HECTD4: variants seen among roughly 807,000 people sequenced by gnomAD.
The protein encoded by HECTD4 is probable E3 ubiquitin-protein ligase HECTD4.
HECTD4 carries 114 observed loss-of-function variants against 471.5 expected under a neutral mutation model. The observed-to-expected ratio is 0.24, with a 90% CI of 0.21 to 0.28. The LOEUF is 0.28. Among genes scored for constraint, HECTD4 ranks in the 10% least tolerant of loss-of-function variants. The pLI is 1.00. For synonymous variants in HECTD4, 2,012 were observed against 2,256.0 expected (o/e 0.89, Z 3.07); for missense variants, 3,866 against 5,651.5 (o/e 0.68, Z 10.13).
At chr12:112,270,525 C>G (rs530646044) in intron 11 of HECTD4, 66 bp from the exon 12 acceptor site, 1 of 1,313,794 alleles carries the variant, frequency 7.6e-7, no homozygotes, top group Non-Finnish European at 1.1e-6. Context: ...AAGAATAGAC[C>G]TTTGACTTAC....
At chr12:112,342,213 T>C (rs576855644) in intron 1 of HECTD4, among the ~76,000 whole-genome samples, 6 of 152,128 alleles carry the variant, frequency 3.9e-5, no homozygotes, top group Non-Finnish European at 8.8e-5. Flanking sequence ...CCTAACACCT[T>C]GGGAGGCCAA....
intron 13 of HECTD4, 50 bp downstream of exon 13, chr12:112,269,653 TG>T: frequency 6.3e-7 from 1 of 1,599,066 alleles, no homozygotes; most frequent in South Asian, 1.1e-5. Flanking sequence ...TACAATGCCT[TG>T]CAGAAGAATC....
intron 1 of HECTD4, among the ~76,000 whole-genome samples, chr12:112,364,265 G>A (rs1316538550): frequency 6.6e-6 from 1 of 151,562 alleles, no homozygotes; most frequent in East Asian, 1.9e-4. Flanking sequence ...AAATTAGCTG[G>A]ACATAGTGCC....
chr12:112,348,713 T>C (rs1234875449), intron 1 of HECTD4, among the ~76,000 whole-genome samples: 1 of 152,134 alleles, frequency 6.6e-6, no homozygotes, highest in Non-Finnish European at 1.5e-5. Context: ...CACCGCAGTC[T>C]AGCTAGCTTG....
At chr12:112,347,374 T>C (rs1209360359) in intron 1 of HECTD4, among the ~76,000 whole-genome samples, 1 of 152,086 alleles carries the variant, frequency 6.6e-6, no homozygotes, top group Non-Finnish European at 1.5e-5. Context: ...CCGGGTGTGA[T>C]GGAGCACGCT....
At position 112,176,718 on chromosome 12, in the gene HECTD4, C is replaced by G; in HGVS notation, c.11364-16G>C. 1.9e-6 allele frequency: 3 copies of G among 1,573,666 alleles called. No individual in the cohort carries two copies. The highest frequency in any genetic ancestry group is 1.3e-5 in the African/African-American group (1 of 74,232). On this transcript the variant is annotated splice_polypyrimidine_tract_variant and intron_variant, in intron 64 of 75. Coordinates refer to ENST00000682272, the MANE Select transcript of HECTD4 (RefSeq NM_001388303.1). ...GGCAGTCCTGCTGTAGACCAAAGCA[C>G]TGGAATTAGACTAATGCACGTTCAC...
chr12:112,280,466 G>C (rs745647696), intron 8 of HECTD4, among the ~76,000 whole-genome samples: 87 of 152,158 alleles, frequency 5.7e-4, no homozygotes, highest in Non-Finnish European at 9.9e-4. Flanking sequence ...ATTATCTATA[G>C]CCTGGATAGA....
chr12:112,165,794 G>A (rs2030928869), intron 72 of HECTD4, among the ~76,000 whole-genome samples: 1 of 152,248 alleles, frequency 6.6e-6, no homozygotes, highest in Non-Finnish European at 1.5e-5. Flanking sequence ...ACCAGGATCA[G>A]CGTCCAGGGG....
At chr12:112,168,026 C>A in intron 70 of HECTD4, 109 bp from the exon 71 acceptor site, 1 of 885,274 alleles carries the variant, frequency 1.1e-6, no homozygotes, top group Non-Finnish European at 1.9e-6. Context: ...CACGGCCTAC[C>A]TGCCGCTGTG....
chr12:112,321,020 T>C (rs1390507971), intron 1 of HECTD4, among the ~76,000 whole-genome samples: 3 of 152,134 alleles, frequency 2.0e-5, no homozygotes, highest in Admixed American at 2.0e-4. Context: ...ATTTTTGTAT[T>C]TTTAGTAGAG....
At chr12:112,164,371 G>T in intron 72 of HECTD4, 96 bp from the exon 73 acceptor site, 5 of 1,336,260 alleles carry the variant, frequency 3.7e-6, no homozygotes, top group Non-Finnish European at 5.2e-6. Context: ...GCAGCTGGTG[G>T]GGTCTACCCT....
rs542068445 is a variant in HECTD4, at chr12:112,160,834, A to T, written c.*1553T>A. ...CAGCGGGCTGACCATCTTCTTTCAAAGCAGGGGAACTGCTTGCGGGCACTC... is the reference window on the plus strand; with the variant it reads ...CAGCGGGCTGACCATCTTCTTTCAATGCAGGGGAACTGCTTGCGGGCACTC... On this transcript the variant is annotated 3_prime_UTR_variant, in exon 76 of 76. Transcript: ENST00000682272. 6.6e-6 allele frequency: 1 copy of T among 152,310 alleles called. No homozygotes were observed. Among genetic ancestry groups the T allele is most frequent in the East Asian group, 1.9e-4 (1 of 5,186 alleles). The allele number at this position is 152,310 out of a possible 1,614,324, so 9.4% of individuals were successfully genotyped here.
chr12:112,190,707 C>T, intron 60 of HECTD4, 79 bp downstream of exon 60: 1 of 1,386,256 alleles, frequency 7.2e-7, no homozygotes, highest in Non-Finnish European at 9.8e-7. Context: ...CCCTACACCA[C>T]CTGGCAAGCT....
chr12:112,222,780 G>A (rs2033135442), intron 44 of HECTD4, among the ~76,000 whole-genome samples: 1 of 152,222 alleles, frequency 6.6e-6, no homozygotes, highest in Non-Finnish European at 1.5e-5. Context: ...GCTGCAGTGA[G>A]CCTTGATCGC....
At chr12:112,327,933 G>A (rs2035778642) in intron 1 of HECTD4, among the ~76,000 whole-genome samples, 1 of 152,110 alleles carries the variant, frequency 6.6e-6, no homozygotes, top group Non-Finnish European at 1.5e-5. Context: ...AAAAGGAAAT[G>A]ATGTTTAAAA....
rs2031596869 is a variant in HECTD4, at chr12:112,179,752, T to G, written c.10988-355A>C. 6.6e-6 allele frequency among the ~76,000 whole-genome samples: 1 copy of G among 152,198 alleles called. No individual in the cohort carries two copies. Among genetic ancestry groups the G allele is most frequent in the Non-Finnish European group, 1.5e-5 (1 of 68,016 alleles). ...CCTCACTCTTATATCTGCAGGGAAT[T>G]AACTTCCACTGGACTTGAGCCATTG... On this transcript the variant is annotated intron_variant, in intron 62 of 75. Coordinates refer to ENST00000682272, the MANE Select transcript of HECTD4 (RefSeq NM_001388303.1). The surrounding 1 kb of genome is among the most constrained non-coding windows in gnomAD (Gnocchi z 4.3).
At chr12:112,353,222 C>G in intron 1 of HECTD4, among the ~76,000 whole-genome samples, 1 of 152,154 alleles carries the variant, frequency 6.6e-6, no homozygotes, top group East Asian at 1.9e-4. Flanking sequence ...CTCTGCGTTC[C>G]AAGAATGAGC....
intron 7 of HECTD4, among the ~76,000 whole-genome samples, chr12:112,294,223 G>A (rs753072417): frequency 6.6e-6 from 1 of 152,062 alleles, no homozygotes; most frequent in Non-Finnish European, 1.5e-5. Flanking sequence ...CTAAGTATTG[G>A]AGTGAAATCA....
chr12:112,345,069 T>C (rs1171635422), intron 1 of HECTD4, among the ~76,000 whole-genome samples: 12 of 151,898 alleles, frequency 7.9e-5, no homozygotes, highest in Non-Finnish European at 1.6e-4. Flanking sequence ...GCCTGACTAG[T>C]ATAGTAAGAC....
Sources: gnomAD v4.1 joint callset for allele counts (sites outside exome capture counted in the v4.1 genomes callset) on GRCh38, gnomAD v4.1.1 for gene constraint, Gnocchi (gnomAD v3.1) non-coding constraint, MANE v1.5 for transcripts, NCBI Gene and HGNC (gene_info 2026-07-23, HGNC 2026-07-21) for gene names.